Variants in CFAP61 observed in about 807,000 individuals in gnomAD.
The protein encoded by CFAP61 is cilia and flagella associated protein 61.
Under a neutral mutation model 135.6 loss-of-function variants are expected in CFAP61, and 107 were observed. That is an observed-to-expected ratio of 0.79 (90% CI 0.67 to 0.93). The LOEUF (loss-of-function observed/expected upper bound fraction) is 0.93, where lower values mean the gene tolerates loss of function less well. CFAP61 is among the 40% of genes least tolerant of loss of function. The probability of loss-of-function intolerance (pLI) is 0.00; values close to 1 mark genes in which losing one functional copy is unlikely to be tolerated. For missense variants in CFAP61, 1,507 were observed against 1,556.2 expected (o/e 0.97, Z 0.53); for synonymous variants, 575 against 578.5 (o/e 0.99, Z 0.09).
At chr20:20,290,571 T>C (rs2054928158) in intron 24 of CFAP61, among the ~76,000 whole-genome samples, 180 bp downstream of exon 24, 1 of 152,238 alleles carries the variant, frequency 6.6e-6, no homozygotes, top group African/African-American at 2.4e-5. Flanking sequence ...TTCATGCCCT[T>C]GTGTGGCTCC....
intron 6 of CFAP61, among the ~76,000 whole-genome samples, chr20:20,087,987 T>C (rs1600549721): frequency 6.6e-6 from 1 of 151,976 alleles, no homozygotes; most frequent in South Asian, 2.1e-4. Flanking sequence ...CAGAAATAGA[T>C]GGACAAGTGG....
At chr20:20,277,138 T>C (rs370111779) in intron 21 of CFAP61, 28 bp from the exon 22 acceptor site, 125 of 1,562,098 alleles carry the variant, frequency 8.0e-5, no homozygotes, top group Non-Finnish European at 1.1e-4. Flanking sequence ...CTGAACTGTA[T>C]ATCTTAGCGT....
At chr20:20,206,581 T>G (rs903904655) in intron 17 of CFAP61, among the ~76,000 whole-genome samples, 1 of 152,234 alleles carries the variant, frequency 6.6e-6, no homozygotes, top group African/African-American at 2.4e-5. Context: ...TTGTAGCGTG[T>G]GTATCTGTAC....
intron 9 of CFAP61, among the ~76,000 whole-genome samples, chr20:20,147,028 C>T (rs575793980): frequency 1.1e-4 from 16 of 152,320 alleles, no homozygotes; most frequent in African/African-American, 3.8e-4. Flanking sequence ...AGTTACTTCA[C>T]TTAGAATAAT....
At position 20,358,979 on chromosome 20, in the gene CFAP61, A is replaced by T. The variant is rs541390165; in HGVS notation, c.3514-1231A>T. 2.0e-5 allele frequency among the ~76,000 whole-genome samples: 3 copies of T among 152,276 alleles called. No homozygotes were observed. The South Asian group carries it at 6.2e-4, about 32-fold the overall frequency. ...AAAGCAGCCAGCTCAACCCTGGGGG[A>T]TGTGCTTTCTAGAAGTACCCTGCTC... On this transcript the variant is annotated intron_variant, in intron 26 of 26. Transcript: ENST00000245957.
intron 2 of CFAP61, among the ~76,000 whole-genome samples, chr20:20,065,824 G>C (rs138061770): frequency 6.6e-6 from 1 of 152,210 alleles, no homozygotes; most frequent in African/African-American, 2.4e-5. Flanking sequence ...GTGGCGATCG[G>C]GGGGACAGAA....
At chr20:20,240,586 T>G (rs531971369) in intron 18 of CFAP61, among the ~76,000 whole-genome samples, 5 of 152,016 alleles carry the variant, frequency 3.3e-5, no homozygotes, top group South Asian at 4.2e-4. Flanking sequence ...TTTTTTTTTT[T>G]GCCTGGATCC....
chr20:20,244,363 C>T (rs1328328095), intron 18 of CFAP61, among the ~76,000 whole-genome samples: 1 of 152,246 alleles, frequency 6.6e-6, no homozygotes, highest in Admixed American at 6.5e-5. Flanking sequence ...TCCATACATC[C>T]TCCGACATCT....
intron 26 of CFAP61, among the ~76,000 whole-genome samples, chr20:20,357,393 CTGAGGGGAGGTGGTCACAG>C (rs1426937216): frequency 2.0e-3 from 70 of 35,146 alleles, no homozygotes; most frequent in Admixed American, 3.8e-3. Flanking sequence ...GGTGGTCACA[CTGAGGGGAGGTGGTCACAG>C]TGTGAGGGGA....
chr20:20,303,545 T>C (rs1007616705), intron 25 of CFAP61, among the ~76,000 whole-genome samples: 2 of 152,108 alleles, frequency 1.3e-5, no homozygotes, highest in African/African-American at 4.8e-5. Context: ...CCACATTCTT[T>C]TCAAGTGCCA....
At chr20:20,079,063 G>T (rs1236109012) in intron 6 of CFAP61, among the ~76,000 whole-genome samples, 1 of 152,186 alleles carries the variant, frequency 6.6e-6, no homozygotes. Context: ...AGGTAACTTG[G>T]ATGCTTCCGT....
At chr20:20,098,069 G>A (rs1225163472) in intron 7 of CFAP61, among the ~76,000 whole-genome samples, 2 of 152,154 alleles carry the variant, frequency 1.3e-5, no homozygotes, top group African/African-American at 2.4e-5. Flanking sequence ...AGCATGGTCT[G>A]AGCAGAGGGC....
chr20:20,121,057 G>A (rs919071090), intron 8 of CFAP61, among the ~76,000 whole-genome samples: 1 of 149,036 alleles, frequency 6.7e-6, no homozygotes, highest in African/African-American at 2.5e-5. Flanking sequence ...ATATAGTTGG[G>A]TCTTGCTTCT....
At chr20:20,219,422 T>G (rs528123435) in intron 17 of CFAP61, among the ~76,000 whole-genome samples, 101 of 152,320 alleles carry the variant, frequency 6.6e-4, no homozygotes, top group African/African-American at 2.4e-3. Flanking sequence ...TCTATAGGAA[T>G]AAGGGCAGAT....
intron 21 of CFAP61, among the ~76,000 whole-genome samples, chr20:20,274,659 C>T (rs886152052): frequency 1.3e-5 from 2 of 151,026 alleles, no homozygotes; most frequent in Non-Finnish European, 2.9e-5. Flanking sequence ...GACTCTGTCT[C>T]GAAAAATAAA....
At chr20:20,094,428 A>G (rs1463109871) in intron 7 of CFAP61, 1 of 152,230 alleles carries the variant, frequency 6.6e-6, no homozygotes, top group Non-Finnish European at 1.5e-5. Context: ...TTTACTTATC[A>G]GGTTTAATCA....
chr20:20,356,454 A>C (rs1602178982), intron 26 of CFAP61, among the ~76,000 whole-genome samples: 1 of 149,008 alleles, frequency 6.7e-6, no homozygotes, highest in Admixed American at 6.6e-5. Context: ...TCACAGTGTG[A>C]GGGGAGGTGG....
chr20:20,211,644 C>G (rs543794692), intron 17 of CFAP61, among the ~76,000 whole-genome samples: 4 of 152,304 alleles, frequency 2.6e-5, no homozygotes, highest in Non-Finnish European at 5.9e-5. Flanking sequence ...CGTCGAAACC[C>G]ATGGCAATAA....
Position 20,360,523 on chromosome 20 carries a change from G to A in CFAP61, c.*113G>A, listed in dbSNP as rs184458159. On this transcript the variant is annotated 3_prime_UTR_variant, in exon 27 of 27. Coordinates refer to ENST00000245957, the MANE Select transcript of CFAP61 (RefSeq NM_015585.4). Reference sequence around the variant, plus strand: ...GGTTTGACAGCGAAGCCAGCCCCTGGTGGTTTTGTTCATTCCTTTCCTTCC... The same window carrying A: ...GGTTTGACAGCGAAGCCAGCCCCTGATGGTTTTGTTCATTCCTTTCCTTCC... 38 of 978,048 alleles carry A rather than the reference G, an allele frequency of 3.9e-5. No homozygotes were observed. Among genetic ancestry groups the A allele is most frequent in the Admixed American group, 4.6e-5 (2 of 43,704 alleles). 60.6% of individuals were successfully genotyped at this position (978,048 alleles called of 1,614,324 possible).
Sources: gnomAD v4.1 joint callset for allele counts (sites outside exome capture counted in the v4.1 genomes callset) on GRCh38, gnomAD v4.1.1 for gene constraint, MANE v1.5 for transcripts, NCBI Gene and HGNC (gene_info 2026-07-23, HGNC 2026-07-21) for gene names.